The following RAPGEF5 variants were observed in gnomAD, a reference collection of about 807,000 sequenced individuals.
RAPGEF5 encodes M-Ras-regulated GEF.
Under a neutral mutation model 125.2 loss-of-function variants are expected in RAPGEF5, and 65 were observed. That is an observed-to-expected ratio of 0.52 (90% CI 0.43 to 0.64). The LOEUF (loss-of-function observed/expected upper bound fraction) is 0.64, where lower values mean the gene tolerates loss of function less well. RAPGEF5 is among the 30% of genes least tolerant of loss of function. The pLI is 0.00. For synonymous variants in RAPGEF5, 391 were observed against 385.9 expected (o/e 1.01, Z -0.16); for missense variants, 958 against 1,048.1 (o/e 0.91, Z 1.19).
chr7:22,281,679 T>C (rs1201908438), intron 6 of RAPGEF5, among the ~76,000 whole-genome samples: 2 of 152,250 alleles, frequency 1.3e-5, no homozygotes. Flanking sequence ...GGCTATCTGT[T>C]CAGCTGAATT....
At chr7:22,298,599 T>C (rs897540022) in intron 5 of RAPGEF5, 1 of 152,230 alleles carries the variant, frequency 6.6e-6, no homozygotes, top group Non-Finnish European at 1.5e-5. Flanking sequence ...AATTTGTCTA[T>C]GGTCATACAA....
At chr7:22,247,954 T>C (rs182584048) in intron 7 of RAPGEF5, among the ~76,000 whole-genome samples, 1 of 152,068 alleles carries the variant, frequency 6.6e-6, no homozygotes, top group Non-Finnish European at 1.5e-5. Flanking sequence ...ATGGCAACAA[T>C]AGACACTGTA....
Position 22,193,409 on chromosome 7 carries a change from A to T in RAPGEF5, c.1162T>A (p.Leu388Met). The T allele has an allele frequency of 6.3e-7, 1 of 1,597,506 alleles. No homozygotes were observed. Among genetic ancestry groups the T allele is most frequent in the Non-Finnish European group, 8.5e-7 (1 of 1,171,582 alleles). The change falls in exon 11 of 26, where the codon TTG becomes ATG. Residue 388 changes from leucine (L) to methionine (M), a missense_variant. By Grantham distance (15) the Leu-to-Met change is conservative. Coordinates refer to ENST00000665637, the MANE Select transcript of RAPGEF5 (RefSeq NM_012294.5). ...GTPEKILEHL[L>M]NDLHLEEVQD... ...ACTTCTTCCAGGTGCAAGTCATTCAAAAGGTGCTCCAAAATCTTCTCCGGG... is the reference window on the plus strand; with the variant it reads ...ACTTCTTCCAGGTGCAAGTCATTCATAAGGTGCTCCAAAATCTTCTCCGGG...
intron 7 of RAPGEF5, among the ~76,000 whole-genome samples, chr7:22,258,376 T>G (rs531509429): frequency 6.6e-6 from 1 of 151,930 alleles, no homozygotes; most frequent in Non-Finnish European, 1.5e-5. Context: ...ATCCCAGCAC[T>G]TTGGGAGGCC....
At chr7:22,139,766 G>A in intron 21 of RAPGEF5, 1 of 352,624 alleles carries the variant, frequency 2.8e-6, no homozygotes, top group Non-Finnish European at 5.3e-6. Context: ...GAGACTGTGG[G>A]GACCAGCCTG....
intron 1 of RAPGEF5, among the ~76,000 whole-genome samples, chr7:22,326,913 T>C (rs1783825667): frequency 6.6e-6 from 1 of 152,184 alleles, no homozygotes; most frequent in Non-Finnish European, 1.5e-5. Flanking sequence ...AGAGGAAACT[T>C]TTGCAGGTAA....
At chr7:22,130,992 A>C in intron 24 of RAPGEF5, 45 bp downstream of exon 24, 1 of 1,533,610 alleles carries the variant, frequency 6.5e-7, no homozygotes, top group Non-Finnish European at 8.8e-7. Flanking sequence ...AAAGGCATAC[A>C]TTTCTGTTAC....
chr7:22,137,412 G>A (rs1331472718), intron 21 of RAPGEF5, among the ~76,000 whole-genome samples: 3 of 152,202 alleles, frequency 2.0e-5, no homozygotes. Context: ...ATAGTGAAGG[G>A]CCAGGAAGAC....
At chr7:22,218,691 A>G (rs1042434800) in intron 9 of RAPGEF5, among the ~76,000 whole-genome samples, 6 of 152,348 alleles carry the variant, frequency 3.9e-5, no homozygotes, top group Middle Eastern at 3.4e-3. Flanking sequence ...TCAGTCTATG[A>G]TATAGTCAAA....
chr7:22,315,486 A>G lies in RAPGEF5; in HGVS notation c.283-10T>C. ...AATTCTCTCCATAAATCTAAATGGAAAAGACAGTCACTGTAAATATAGAAC... is the reference window on the plus strand; with the variant it reads ...AATTCTCTCCATAAATCTAAATGGAGAAGACAGTCACTGTAAATATAGAAC... On this transcript the variant is annotated splice_polypyrimidine_tract_variant and intron_variant, in intron 2 of 25. Coordinates refer to ENST00000665637, the MANE Select transcript of RAPGEF5 (RefSeq NM_012294.5). 2 of 1,463,212 alleles carry G rather than the reference A, an allele frequency of 1.4e-6. No individual in the cohort carries two copies. The highest frequency in any genetic ancestry group is 1.8e-6 in the Non-Finnish European group (2 of 1,109,086). The allele number at this position is 1,463,212 out of a possible 1,614,324, so 90.6% of individuals were successfully genotyped here. A position where few individuals can be genotyped will look rare whatever the true frequency, so the allele number is the denominator to read the frequency against.
intron 7 of RAPGEF5, among the ~76,000 whole-genome samples, chr7:22,260,221 A>T (rs1308188317): frequency 6.6e-6 from 1 of 152,170 alleles, no homozygotes; most frequent in African/African-American, 2.4e-5. Flanking sequence ...GTCATTATAC[A>T]TTTCTCCAAA....
In RAPGEF5 at chr7:22,219,877, TCTC is replaced by T. The variant is rs1256574068; in HGVS notation, c.982_984del (p.Glu328del). 5 of 1,611,652 alleles carry T rather than the reference TCTC, an allele frequency of 3.1e-6. No homozygotes were observed. The highest frequency in any genetic ancestry group is 2.7e-5 in the African/African-American group (2 of 74,902). ...GGCAAAAGGCTTACGTGTTCAGACT[TCTC>T]CTGTTCTTTTTTGTCCGTCTGCAAA... On this transcript the variant is annotated inframe_deletion, in exon 9 of 26. Coordinates refer to ENST00000665637, the MANE Select transcript of RAPGEF5 (RefSeq NM_012294.5).
intron 15 of RAPGEF5, 132 bp from the exon 16 acceptor site, chr7:22,157,020 G>C (rs929029809): frequency 2.1e-6 from 3 of 1,421,586 alleles, no homozygotes; most frequent in African/African-American, 2.9e-5. Flanking sequence ...TCCAATCTTA[G>C]AGAAATAAAC....
chr7:22,184,197 T>C (rs1784760526), intron 11 of RAPGEF5, among the ~76,000 whole-genome samples: 1 of 152,212 alleles, frequency 6.6e-6, no homozygotes, highest in Admixed American at 6.5e-5. Flanking sequence ...AATATACATA[T>C]ACATTCCTAT....
intron 11 of RAPGEF5, among the ~76,000 whole-genome samples, chr7:22,184,919 CCTCT>C (rs1048790642): frequency 2.6e-5 from 4 of 151,950 alleles, no homozygotes; most frequent in African/African-American, 9.7e-5. Context: ...GGAACTAGGA[CCTCT>C]CTCTCTTTCT....
intron 11 of RAPGEF5, among the ~76,000 whole-genome samples, chr7:22,168,960 A>C (rs528519441): frequency 3.9e-5 from 6 of 152,216 alleles, no homozygotes; most frequent in African/African-American, 1.4e-4. Context: ...TAAATTCGAC[A>C]AATTTTCTTA....
intron 1 of RAPGEF5, among the ~76,000 whole-genome samples, chr7:22,333,637 T>C (rs902732462): frequency 6.6e-6 from 1 of 151,960 alleles, no homozygotes; most frequent in African/African-American, 2.4e-5. Flanking sequence ...GTAAGGTATA[T>C]GAATGTGCTT....
intron 7 of RAPGEF5, among the ~76,000 whole-genome samples, chr7:22,253,773 T>G (rs938801006): frequency 6.6e-6 from 1 of 152,244 alleles, no homozygotes; most frequent in Non-Finnish European, 1.5e-5. Context: ...CTGTCTTTGC[T>G]GACCCTAATT....
intron 1 of RAPGEF5, among the ~76,000 whole-genome samples, chr7:22,320,577 C>G (rs192687651): frequency 7.2e-5 from 11 of 152,148 alleles, no homozygotes; most frequent in Admixed American, 3.3e-4. Flanking sequence ...AATGCACCCC[C>G]CTCTTTCCAT....
Sources: gnomAD v4.1 joint callset for allele counts (sites outside exome capture counted in the v4.1 genomes callset) on GRCh38, gnomAD v4.1.1 for gene constraint, MANE v1.5 for transcripts, NCBI Gene and HGNC (gene_info 2026-07-23, HGNC 2026-07-21) for gene names.